BRINP2: variants seen among roughly 807,000 people sequenced by gnomAD.
BRINP2 encodes BMP/retinoic acid inducible neural specific 2.
BRINP2 carries 21 observed loss-of-function variants against 69.2 expected under a neutral mutation model. The observed-to-expected ratio is 0.30, with a 90% CI of 0.22 to 0.44. The LOEUF (loss-of-function observed/expected upper bound fraction) is 0.44. Among genes scored for constraint, BRINP2 ranks in the 20% least tolerant of loss-of-function variants. The pLI is 1.00. For synonymous variants in BRINP2, 380 were observed against 394.1 expected (o/e 0.96, Z 0.42); for missense variants, 877 against 986.0 (o/e 0.89, Z 1.48).
rs192712049 is a variant in BRINP2, at chr1:177,176,276, T to C, written c.-77+4544T>C. On this transcript the variant is annotated intron_variant, in intron 1 of 7. Transcript: ENST00000361539. Reference sequence around the variant, plus strand: ...TAGCATATTGGCATCATGTGGGTCTTGAGCACTTGAAATGTATGCTGTAAA... The same window carrying C: ...TAGCATATTGGCATCATGTGGGTCTCGAGCACTTGAAATGTATGCTGTAAA... Among the ~76,000 whole-genome samples the C allele has an allele frequency of 7.7e-4, 118 of 152,284 alleles. 1 individual carries two copies. The highest frequency in any genetic ancestry group is 2.7e-3 in the African/African-American group (113 of 41,562).
At chr1:177,203,841 T>C (rs556171219) in intron 1 of BRINP2, among the ~76,000 whole-genome samples, 2 of 152,338 alleles carry the variant, frequency 1.3e-5, no homozygotes, top group South Asian at 2.1e-4. Flanking sequence ...ACAATCATAA[T>C]TGAAACGTGC....
chr1:177,277,977 A>T (rs1161715413), intron 6 of BRINP2, among the ~76,000 whole-genome samples: 2 of 152,172 alleles, frequency 1.3e-5, no homozygotes, highest in Non-Finnish European at 2.9e-5. Flanking sequence ...CAGAATGGAT[A>T]TCTGTCCAAG....
intron 1 of BRINP2, among the ~76,000 whole-genome samples, chr1:177,206,055 G>A (rs534774002): frequency 6.6e-6 from 1 of 152,296 alleles, no homozygotes; most frequent in Non-Finnish European, 1.5e-5. Flanking sequence ...TCTGTGAGAC[G>A]TGAGATGTTG....
chr1:177,255,973 C>T lies in BRINP2; in HGVS notation c.324C>T (p.Phe108=). 3.7e-6 allele frequency: 6 copies of T among 1,614,242 alleles called. No individual in the cohort carries two copies. The highest frequency in any genetic ancestry group is 5.1e-6 in the Non-Finnish European group (6 of 1,180,044). The change falls in exon 3 of 8, where the codon TTC becomes TTT. Residue 108 remains phenylalanine (F), a synonymous_variant. Transcript: ENST00000361539. ...TGGCTCTGGAAAGGAAGGACTTCTT[C>T]AGTTTGCCATTGCCTCTTGCCCCAG... is the stretch of plus-strand genomic sequence containing the variant. The part of the protein sequence containing the change: ...NNLALERKDF[F]SLPLPLAPEF...
intron 4 of BRINP2, among the ~76,000 whole-genome samples, chr1:177,260,454 G>A (rs2102349859): frequency 6.6e-6 from 1 of 152,350 alleles, no homozygotes; most frequent in South Asian, 2.1e-4. Context: ...GGATTCAGAG[G>A]ATTGACTCCA....
intron 1 of BRINP2, among the ~76,000 whole-genome samples, chr1:177,174,414 A>G (rs1648026942): frequency 6.6e-6 from 1 of 152,264 alleles, no homozygotes; most frequent in Admixed American, 6.5e-5. Flanking sequence ...CCTTGCCTTC[A>G]GTGATCTTGC....
chr1:177,213,143 A>T (rs1649277785), intron 1 of BRINP2, among the ~76,000 whole-genome samples: 1 of 152,142 alleles, frequency 6.6e-6, no homozygotes, highest in African/African-American at 2.4e-5. Context: ...AAAATGAAAA[A>T]CTTCTCTAAA....
intron 2 of BRINP2, 81 bp downstream of exon 2, chr1:177,230,226 C>A (rs546164217): frequency 8.9e-6 from 13 of 1,455,754 alleles, no homozygotes; most frequent in Non-Finnish European, 1.2e-5. Context: ...TGGCCCAAAC[C>A]CCTAAACAGG....
At chr1:177,254,319 A>T (rs1229889018) in intron 2 of BRINP2, among the ~76,000 whole-genome samples, 1 of 151,942 alleles carries the variant, frequency 6.6e-6, no homozygotes, top group Non-Finnish European at 1.5e-5. Context: ...ACCACATAAC[A>T]CTAAGAGTCA....
In BRINP2 at chr1:177,280,654, CAGA is replaced by C. The variant is rs1256447533; in HGVS notation, c.1479_1481del (p.Glu494del). On this transcript the variant is annotated inframe_deletion, in exon 8 of 8. Coordinates refer to ENST00000361539, the MANE Select transcript of BRINP2 (RefSeq NM_021165.4). ...GTGCTGGCCCAGGGGCTGTGCCGGC[CAGA>C]GGTGGCCGAGTCCCTGGAAAACTTT... The C allele has an allele frequency of 1.2e-6, 2 of 1,614,210 alleles. No individual in the cohort carries two copies. Among genetic ancestry groups the C allele is most frequent in the Non-Finnish European group, 1.7e-6 (2 of 1,180,028 alleles).
At position 177,186,699 on chromosome 1, in the gene BRINP2, TAATAC is replaced by T. The variant is rs370782327; in HGVS notation, c.-77+14970_-77+14974del. Reference sequence around the variant, plus strand: ...GTGGGATTTGGGTCACTGGGCCTTATAATACAACCAGGATTCCTGGTTACTTTAAT... The same window carrying T: ...GTGGGATTTGGGTCACTGGGCCTTATAACCAGGATTCCTGGTTACTTTAAT... On this transcript the variant is annotated intron_variant, in intron 1 of 7. Coordinates refer to ENST00000361539, the MANE Select transcript of BRINP2 (RefSeq NM_021165.4). Among the ~76,000 whole-genome samples, 59 of 152,268 alleles carry T rather than the reference TAATAC, an allele frequency of 3.9e-4. No individual in the cohort carries two copies. The East Asian group carries it at 9.3e-3, about 24-fold the overall frequency.
chr1:177,213,883 T>C (rs753866551), intron 1 of BRINP2, among the ~76,000 whole-genome samples: 1 of 152,198 alleles, frequency 6.6e-6, no homozygotes, highest in African/African-American at 2.4e-5. Flanking sequence ...GATGAATGAG[T>C]AGATATTTTT....
intron 1 of BRINP2, among the ~76,000 whole-genome samples, chr1:177,181,857 C>T (rs1417582735): frequency 1.3e-5 from 2 of 152,196 alleles, no homozygotes; most frequent in African/African-American, 4.8e-5. Flanking sequence ...CTAGAGACCC[C>T]TAGAGGCGAA....
At chr1:177,270,331 G>A (rs1426310802) in intron 4 of BRINP2, among the ~76,000 whole-genome samples, 1 of 152,174 alleles carries the variant, frequency 6.6e-6, no homozygotes, top group Non-Finnish European at 1.5e-5. Context: ...CATGGTCTTT[G>A]TCTCCTAATT....
At chr1:177,200,737 A>T (rs915149692) in intron 1 of BRINP2, among the ~76,000 whole-genome samples, 2 of 152,082 alleles carry the variant, frequency 1.3e-5, no homozygotes, top group Non-Finnish European at 2.9e-5. Flanking sequence ...TGATCACTTA[A>T]TACTTTGTGT....
chr1:177,226,077 C>A (rs901417626), intron 1 of BRINP2, among the ~76,000 whole-genome samples: 20 of 152,236 alleles, frequency 1.3e-4, no homozygotes, highest in African/African-American at 4.3e-4. Context: ...CACCCGTTGA[C>A]TTAATATATC....
chr1:177,231,947 G>T (rs1344977204), intron 2 of BRINP2, among the ~76,000 whole-genome samples: 1 of 152,160 alleles, frequency 6.6e-6, no homozygotes, highest in Non-Finnish European at 1.5e-5. Context: ...CAAATTCAGG[G>T]TGACCTTCCC....
At chr1:177,268,216 A>G (rs2102356289) in intron 4 of BRINP2, among the ~76,000 whole-genome samples, 1 of 152,336 alleles carries the variant, frequency 6.6e-6, no homozygotes, top group East Asian at 1.9e-4. Flanking sequence ...CTGCCAGGGA[A>G]CATTACTTTG....
At chr1:177,262,488 G>A (rs1264571076) in intron 4 of BRINP2, among the ~76,000 whole-genome samples, 1 of 149,598 alleles carries the variant, frequency 6.7e-6, no homozygotes, top group Non-Finnish European at 1.5e-5. Context: ...CTCCAGCCTG[G>A]TGACAGAGCA....
Sources: allele counts gnomAD v4.1 joint callset (sites outside exome capture counted in the v4.1 genomes callset), GRCh38; gene constraint gnomAD v4.1.1; transcripts MANE v1.5; gene names NCBI Gene and HGNC (gene_info 2026-07-23, HGNC 2026-07-21).